NPR3: variants seen among roughly 807,000 people sequenced by gnomAD.
The protein encoded by NPR3 is atrial natriuretic peptide receptor 3.
Under a neutral mutation model 54.5 loss-of-function variants are expected in NPR3, and 34 were observed. That is an observed-to-expected ratio of 0.62 (90% CI 0.47 to 0.83). NPR3 has a LOEUF of 0.83. Among genes scored for constraint, NPR3 ranks in the 40% least tolerant of loss-of-function variants. The pLI, the probability that NPR3 is intolerant of heterozygous loss-of-function variation, is 0.00. For missense variants in NPR3, 674 were observed against 720.8 expected (o/e 0.94, Z 0.74); for synonymous variants, 289 against 297.1 (o/e 0.97, Z 0.28).
At chr5:32,785,519 G>T (rs1486607876) in intron 7 of NPR3, among the ~76,000 whole-genome samples, 1 of 152,130 alleles carries the variant, frequency 6.6e-6, no homozygotes, top group Non-Finnish European at 1.5e-5. Flanking sequence ...AGGGAATCTG[G>T]ATAAAGGGGG....
chr5:32,729,039 T>G (rs1242567691), intron 2 of NPR3, among the ~76,000 whole-genome samples: 1 of 133,356 alleles, frequency 7.5e-6, no homozygotes. Context: ...TGTTTTGTTT[T>G]TTTTTTTTGA....
intron 3 of NPR3, among the ~76,000 whole-genome samples, chr5:32,771,465 T>A (rs554836623): frequency 1.3e-5 from 2 of 152,320 alleles, no homozygotes; most frequent in South Asian, 4.1e-4. Flanking sequence ...TCAAGTTCAT[T>A]GTTCTCCACC....
intron 2 of NPR3, among the ~76,000 whole-genome samples, chr5:32,733,922 G>T (rs1739593648): frequency 6.6e-6 from 1 of 152,192 alleles, no homozygotes; most frequent in Non-Finnish European, 1.5e-5. Flanking sequence ...AGTCTGGCTT[G>T]CATTTGGATA....
intron 3 of NPR3, among the ~76,000 whole-genome samples, chr5:32,752,639 T>TG (rs1467598588): frequency 6.6e-6 from 1 of 152,194 alleles, no homozygotes; most frequent in East Asian, 1.9e-4. Context: ...CTTTGCTAAT[T>TG]GTATTTGAGA....
At chr5:32,759,034 A>G (rs1261975532) in intron 3 of NPR3, among the ~76,000 whole-genome samples, 2 of 152,184 alleles carry the variant, frequency 1.3e-5, no homozygotes, top group Admixed American at 6.5e-5. Context: ...CTATGTGGTC[A>G]ATTTTGGAAT....
chr5:32,769,698 G>A (rs914452088), intron 3 of NPR3, among the ~76,000 whole-genome samples: 6 of 152,222 alleles, frequency 3.9e-5, no homozygotes, highest in African/African-American at 1.4e-4. Flanking sequence ...GGACAGCCTA[G>A]CTAAGCATTG....
At chr5:32,727,633 T>C (rs1463697489) in intron 2 of NPR3, among the ~76,000 whole-genome samples, 1 of 152,200 alleles carries the variant, frequency 6.6e-6, no homozygotes, top group Non-Finnish European at 1.5e-5. Flanking sequence ...CTTAGTATTT[T>C]ATGTTTTTTG....
chr5:32,716,280 TC>T (rs1420138066), intron 1 of NPR3: 1 of 360,690 alleles, frequency 2.8e-6, no homozygotes, highest in Non-Finnish European at 5.4e-6. Context: ...AGAAAAAGGT[TC>T]CTGTCTCCTA....
chr5:32,790,010 C>T lies in NPR3; in HGVS notation c.*3665C>T, dbSNP rs558662012. The T allele has an allele frequency of 8.1e-6, 2 of 248,000 alleles. No individual in the cohort carries two copies. Among genetic ancestry groups the T allele is most frequent in the East Asian group, 9.8e-5 (1 of 10,198 alleles). The allele number at this position is 248,000 out of a possible 1,614,324, so 15.4% of individuals were successfully genotyped here. On this transcript the variant is annotated 3_prime_UTR_variant, in exon 8 of 8. Coordinates refer to ENST00000265074, the MANE Select transcript of NPR3 (RefSeq NM_001204375.2). ...TGTCAGCCCAAATTAGGCCCCTCGA[C>T]CTACAGACATTTCATGGGTTTTATT...
intron 1 of NPR3, chr5:32,713,518 C>T (rs1561076893): frequency 4.2e-6 from 4 of 941,608 alleles, no homozygotes; most frequent in East Asian, 1.2e-4. Context: ...ATTAGGAGCA[C>T]TGCGATGAGG....
intron 3 of NPR3, 149 bp from the exon 4 acceptor site, chr5:32,774,559 G>A: frequency 1.5e-6 from 1 of 671,506 alleles, no homozygotes; most frequent in South Asian, 1.8e-5. Flanking sequence ...GGAAAGTCAT[G>A]GCGTGATTCT....
At chr5:32,725,283 G>A (rs546021417) in intron 2 of NPR3, among the ~76,000 whole-genome samples, 43 of 152,182 alleles carry the variant, frequency 2.8e-4, no homozygotes, top group Middle Eastern at 3.4e-3. Flanking sequence ...AAAAACAAGA[G>A]GGTTGTGAGA....
At position 32,738,850 on chromosome 5, in the gene NPR3, T is replaced by C. The variant is rs993781875; in HGVS notation, c.893-14T>C. The C allele has an allele frequency of 3.1e-6, 5 of 1,608,106 alleles. No homozygotes were observed. Among genetic ancestry groups the C allele is most frequent in the Non-Finnish European group, 4.2e-6 (5 of 1,177,428 alleles). On this transcript the variant is annotated splice_polypyrimidine_tract_variant and intron_variant, in intron 2 of 7. Transcript: ENST00000265074. ...GCTGGCTTGGAATTATAAATATTTTTATTTCTTCCATAGGAGATGGCTCAT... is the reference window on the plus strand; with the variant it reads ...GCTGGCTTGGAATTATAAATATTTTCATTTCTTCCATAGGAGATGGCTCAT...
intron 1 of NPR3, among the ~76,000 whole-genome samples, chr5:32,704,370 T>TTGTGTGTGTG (rs57959913): frequency 0.027 from 3,994 of 146,846 alleles, 79 homozygotes; most frequent in Middle Eastern, 0.035. Context: ...TTTTGGCTCT[T>TTGTGTGTGTG]TGTGTGTGTG....
intron 2 of NPR3, among the ~76,000 whole-genome samples, chr5:32,726,782 G>C (rs919632561): frequency 1.3e-5 from 2 of 152,230 alleles, no homozygotes. Context: ...AAGAAAACAA[G>C]TTACCATAAT....
At chr5:32,723,181 G>A (rs749997884) in intron 1 of NPR3, among the ~76,000 whole-genome samples, 9 of 152,124 alleles carry the variant, frequency 5.9e-5, no homozygotes, top group Admixed American at 2.0e-4. Flanking sequence ...GTGATAATGC[G>A]GTTTATAGCA....
At chr5:32,725,881 A>G (rs1345448272) in intron 2 of NPR3, among the ~76,000 whole-genome samples, 1 of 152,196 alleles carries the variant, frequency 6.6e-6, no homozygotes, top group African/African-American at 2.4e-5. Flanking sequence ...AACCTCTCCT[A>G]TACAGAAGTT....
intron 1 of NPR3, among the ~76,000 whole-genome samples, chr5:32,699,618 T>A (rs1740616907): frequency 6.6e-6 from 1 of 152,240 alleles, no homozygotes; most frequent in Non-Finnish European, 1.5e-5. Context: ...TTTTTGTCAC[T>A]TGTATTTATA....
chr5:32,774,314 G>C (rs1317526850), intron 3 of NPR3, among the ~76,000 whole-genome samples: 1 of 152,198 alleles, frequency 6.6e-6, no homozygotes, highest in African/African-American at 2.4e-5. Context: ...AGCATGAAGA[G>C]ATCGTGGGGC....
Sources: allele counts gnomAD v4.1 joint callset (sites outside exome capture counted in the v4.1 genomes callset), GRCh38; gene constraint gnomAD v4.1.1; transcripts MANE v1.5; gene names NCBI Gene and HGNC (gene_info 2026-07-23, HGNC 2026-07-21).